UGT2B7: variants seen among roughly 807,000 people sequenced by gnomAD.
UGT2B7 encodes the protein UDP glucuronosyltransferase family 2 member B7, also known as UDP-glucuronosyltransferase 2B7.
Under a neutral mutation model 51.9 loss-of-function variants are expected in UGT2B7, and 51 were observed. The observed-to-expected ratio is 0.98, with a 90% CI of 0.78 to 1.24. The LOEUF (loss-of-function observed/expected upper bound fraction) is 1.24. Ranked by LOEUF, UGT2B7 falls within the 50% of genes most tolerant of loss-of-function variation. The pLI, the probability that UGT2B7 is intolerant of heterozygous loss-of-function variation, is 0.00. For synonymous variants in UGT2B7, 225 were observed against 211.6 expected, an observed-to-expected ratio of 1.06 and a Z score of -0.55; for missense variants, 727 against 628.4, an observed-to-expected ratio of 1.16 and a Z score of -1.68.
chr4:69,061,811 A>T (rs1718353975), intron 1 of UGT2B7, among the ~76,000 whole-genome samples: 1 of 152,160 alleles, frequency 6.6e-6, no homozygotes, highest in Non-Finnish European at 1.5e-5. Context: ...AGGAAAAAGG[A>T]GCTATGCCCT....
chr4:69,084,108 T>C (rs962667572), intron 1 of UGT2B7, among the ~76,000 whole-genome samples: 1 of 152,130 alleles, frequency 6.6e-6, no homozygotes, highest in Non-Finnish European at 1.5e-5. Flanking sequence ...TTTTATCAAA[T>C]GCTTTTTGTG....
Position 69,102,923 on chromosome 4 carries a change from C to T in UGT2B7, c.987C>T (p.Ala329=). ...CCAACGTAATTGCATCAGCCCTGGCCCAGATCCCACAAAAGGTAAGATGAA... is the reference window on the plus strand; with the variant it reads ...CCAACGTAATTGCATCAGCCCTGGCTCAGATCCCACAAAAGGTAAGATGAA... The part of the protein sequence containing the change: ...ERANVIASAL[A]QIPQKVLWRF... The change falls in exon 3 of 6, where the codon GCC becomes GCT. Residue 329 remains alanine (A), a synonymous_variant. Coordinates refer to ENST00000305231, the MANE Select transcript of UGT2B7 (RefSeq NM_001074.4). The T allele has an allele frequency of 6.2e-7, 1 of 1,612,710 alleles. No homozygotes were observed. Among genetic ancestry groups the T allele is most frequent in the South Asian group, 1.1e-5 (1 of 90,966 alleles).
intron 1 of UGT2B7, among the ~76,000 whole-genome samples, chr4:69,086,175 C>A (rs1037650393): frequency 6.6e-6 from 1 of 151,490 alleles, no homozygotes; most frequent in African/African-American, 2.4e-5. Context: ...TCTATATCTT[C>A]TAGGTTTTGT....
intron 1 of UGT2B7, among the ~76,000 whole-genome samples, chr4:69,061,881 T>G (rs1718356410): frequency 6.6e-6 from 1 of 152,132 alleles, no homozygotes; most frequent in South Asian, 2.1e-4. Flanking sequence ...TAGGTACATT[T>G]TGGTGCTTGT....
chr4:69,089,029 C>G (rs1411429634), intron 1 of UGT2B7, among the ~76,000 whole-genome samples: 1 of 152,040 alleles, frequency 6.6e-6, no homozygotes, highest in African/African-American at 2.4e-5. Flanking sequence ...GGATTTTCTT[C>G]TTCTCTTTTT....
intron 5 of UGT2B7, 64 bp downstream of exon 5, chr4:69,108,386 T>C (rs1204453041): frequency 5.1e-6 from 8 of 1,560,052 alleles, no homozygotes; most frequent in African/African-American, 4.1e-5. Flanking sequence ...CAATAGTGAG[T>C]GTGAGTTTCA....
At chr4:69,110,442 TA>T (rs1188682690) in intron 5 of UGT2B7, among the ~76,000 whole-genome samples, 3 of 147,532 alleles carry the variant, frequency 2.0e-5, no homozygotes, top group Non-Finnish European at 3.0e-5. Context: ...ACCCAACAGA[TA>T]TGTATAAATA....
Position 69,112,641 on chromosome 4 carries a change from G to C in UGT2B7, c.1495G>C (p.Val499Leu), listed in dbSNP as rs1719813413. ...TTTGGATGTGATTGGGTTCCTGCTGGTCTGTGTGGCAACTGTGATATTTAT... is the reference window on the plus strand; with the variant it reads ...TTTGGATGTGATTGGGTTCCTGCTGCTCTGTGTGGCAACTGTGATATTTAT... ...HSLDVIGFLL[V>L]CVATVIFIVT... is the part of the protein sequence containing the mutation. Residue 499 changes from valine (V) to leucine (L), a missense_variant, in exon 6 of 6, where the codon GTC becomes CTC. Coordinates refer to ENST00000305231, the MANE Select transcript of UGT2B7 (RefSeq NM_001074.4). 6.2e-7 allele frequency: 1 copy of C among 1,613,812 alleles called. No individual in the cohort carries two copies. Among genetic ancestry groups the C allele is most frequent in the Non-Finnish European group, 8.5e-7 (1 of 1,179,896 alleles).
chr4:69,079,328 C>T (rs1718784720), intron 1 of UGT2B7, among the ~76,000 whole-genome samples: 2 of 152,144 alleles, frequency 1.3e-5, no homozygotes, highest in African/African-American at 2.4e-5. Flanking sequence ...CATTGAGAAG[C>T]TGATCCAAAA....
intron 1 of UGT2B7, among the ~76,000 whole-genome samples, chr4:69,056,395 C>A (rs562525413): frequency 2.0e-5 from 3 of 152,158 alleles, no homozygotes; most frequent in East Asian, 3.8e-4. Context: ...ATGAGAAATG[C>A]GATCTATCAA....
intron 5 of UGT2B7, 40 bp from the exon 6 acceptor site, chr4:69,112,417 C>T (rs1719800041): frequency 6.3e-7 from 1 of 1,590,356 alleles, no homozygotes; most frequent in Non-Finnish European, 8.6e-7. Flanking sequence ...TTGTCTGTAA[C>T]TCTTCCTGCT....
chr4:69,055,663 A>G (rs1718174487), intron 1 of UGT2B7, among the ~76,000 whole-genome samples: 1 of 152,198 alleles, frequency 6.6e-6, no homozygotes, highest in Non-Finnish European at 1.5e-5. Context: ...ACTTCACGTT[A>G]TGTTTGTGGA....
intron 1 of UGT2B7, among the ~76,000 whole-genome samples, chr4:69,058,510 CA>C (rs1283751504): frequency 6.6e-6 from 1 of 152,108 alleles, no homozygotes; most frequent in Non-Finnish European, 1.5e-5. Flanking sequence ...GGCACTCCTG[CA>C]AAGTTTAAGG....
rs11935951 is a variant in UGT2B7 at position 69,051,603 on chromosome 4, G to T, written c.-159+1G>T. The T allele has an allele frequency of 0.15, 23,073 of 152,402 alleles. 1,965 individuals are homozygous for T. The highest frequency in any genetic ancestry group is 0.18 in the Non-Finnish European group (12,002 of 68,116). The allele number at this position is 152,402 out of a possible 1,614,324, so 9.4% of individuals were successfully genotyped here. A position where few individuals can be genotyped will look rare whatever the true frequency, so the allele number is the denominator to read the frequency against. On this transcript the variant is annotated splice_donor_variant, in intron 1 of 5. Transcript: ENST00000502942. LOFTEE classifies it low-confidence loss of function (5UTR_SPLICE). ...TTGGAGTCCAGACATCTAAAATTTG[G>T]TAAGACTAGTCTTTGGAACTTGCCC...
At chr4:69,100,334 T>C (rs1022811871) in intron 2 of UGT2B7, among the ~76,000 whole-genome samples, 1 of 29,228 alleles carries the variant, frequency 3.4e-5, no homozygotes, top group Non-Finnish European at 5.2e-5. Context: ...AAGATTATAT[T>C]TTTTATGAAG....
upstream of UGT2B7, among the ~76,000 whole-genome samples, chr4:69,095,249 G>A (rs1190943473): frequency 6.6e-6 from 1 of 152,310 alleles, no homozygotes; most frequent in African/African-American, 2.4e-5. Flanking sequence ...GGAGTTCTGG[G>A]TTGGAGGTTT....
intron 1 of UGT2B7, 49 bp from the exon 2 acceptor site, chr4:69,098,491 A>T (rs7438244): frequency 6.4e-7 from 1 of 1,567,106 alleles, no homozygotes; most frequent in African/African-American, 1.4e-5. Context: ...AAATTTACCT[A>T]AAGTAATTAT....
chr4:69,059,986 G>A (rs1718307314), intron 1 of UGT2B7, among the ~76,000 whole-genome samples: 2 of 152,154 alleles, frequency 1.3e-5, no homozygotes, highest in South Asian at 4.1e-4. Context: ...TTTCAATGGG[G>A]TAAATCACAG....
At chr4:69,069,446 T>C (rs1410115801) in intron 1 of UGT2B7, among the ~76,000 whole-genome samples, 3 of 152,100 alleles carry the variant, frequency 2.0e-5, no homozygotes, top group Admixed American at 6.6e-5. Context: ...AATTATCTCT[T>C]CACATCTTGA....
Sources: gnomAD v4.1 joint callset for allele counts (sites outside exome capture counted in the v4.1 genomes callset) on GRCh38, gnomAD v4.1.1 for gene constraint, MANE v1.5 for transcripts, NCBI Gene and HGNC (gene_info 2026-07-23, HGNC 2026-07-21) for gene names.